The following SEC24D variants were observed in gnomAD, a reference collection of about 807,000 sequenced individuals.
SEC24D encodes SEC24 homolog D, COPII component.
SEC24D carries 69 observed loss-of-function variants against 116.9 expected under a neutral mutation model. That is an observed-to-expected ratio of 0.59 (90% confidence interval 0.49 to 0.72). The LOEUF (loss-of-function observed/expected upper bound fraction) is 0.72. Among genes scored for constraint, SEC24D ranks in the 30% least tolerant of loss-of-function variants. The pLI is 0.00. For missense variants in SEC24D, 1,131 were observed against 1,264.1 expected (o/e 0.89, Z 1.60); for synonymous variants, 405 against 442.8 (o/e 0.91, Z 1.07).
At chr4:118,810,471 G>A (rs1013918314) in intron 6 of SEC24D, among the ~76,000 whole-genome samples, 3 of 152,172 alleles carry the variant, frequency 2.0e-5, no homozygotes, top group Non-Finnish European at 4.4e-5. Context: ...GGAGCCAGAA[G>A]AATGGAATTG....
Position 118,815,607 on chromosome 4 carries a change from G to A in SEC24D, c.517C>T (p.Pro173Ser), listed in dbSNP as rs1730111205. Reference sequence around the variant, plus strand: ...GGACCATTGAGTGTGGTGGGTGGTGGTGGAAGAACTTGAGATCCAGGCTGC... The same window carrying A: ...GGACCATTGAGTGTGGTGGGTGGTGATGGAAGAACTTGAGATCCAGGCTGC... ...ILQPGSQVLP[P>S]PPTTLNGPGA... Residue 173 changes from proline (P) to serine (S), a missense_variant, in exon 5 of 23, where the codon CCA (proline) becomes TCA (serine). Coordinates refer to ENST00000280551, the MANE Select transcript of SEC24D (RefSeq NM_014822.4). The A allele has an allele frequency of 1.9e-6, 3 of 1,614,196 alleles. No individual in the cohort carries two copies. The highest frequency in any genetic ancestry group is 1.7e-6 in the Non-Finnish European group (2 of 1,180,032).
At chr4:118,724,741 A>G (rs1183086021) in intron 22 of SEC24D, among the ~76,000 whole-genome samples, 2 of 152,198 alleles carry the variant, frequency 1.3e-5, no homozygotes, top group African/African-American at 4.8e-5. Context: ...TACTTGAGGA[A>G]GTCAAGGTAG....
chr4:118,818,680 A>T (rs1730255401), intron 3 of SEC24D, among the ~76,000 whole-genome samples: 2 of 152,234 alleles, frequency 1.3e-5, no homozygotes, highest in Middle Eastern at 3.4e-3. Context: ...TCTATGTTTT[A>T]TCGGTAGCCG....
intron 8 of SEC24D, among the ~76,000 whole-genome samples, chr4:118,784,577 C>T (rs900806242): frequency 2.6e-5 from 4 of 152,132 alleles, no homozygotes; most frequent in Admixed American, 6.5e-5. Flanking sequence ...TACCTACAAA[C>T]ACTAGATTTA....
At chr4:118,780,617 C>T (rs1163919832) in intron 8 of SEC24D, among the ~76,000 whole-genome samples, 5 of 152,170 alleles carry the variant, frequency 3.3e-5, no homozygotes, top group African/African-American at 1.2e-4. Context: ...TCTATCAGGT[C>T]TGCTTGGTGC....
At chr4:118,740,207 T>A (rs1316393052) in intron 17 of SEC24D, among the ~76,000 whole-genome samples, 1 of 152,122 alleles carries the variant, frequency 6.6e-6, no homozygotes, top group Non-Finnish European at 1.5e-5. Context: ...CTGGAACAGA[T>A]CCTTCCCTCT....
intron 15 of SEC24D, among the ~76,000 whole-genome samples, chr4:118,741,431 T>G (rs1292030849): frequency 6.6e-6 from 1 of 152,206 alleles, no homozygotes; most frequent in Non-Finnish European, 1.5e-5. Context: ...TCTGACCACA[T>G]TCAGAGCTTT....
At chr4:118,755,764 T>C (rs187117254) in intron 11 of SEC24D, among the ~76,000 whole-genome samples, 50 of 152,256 alleles carry the variant, frequency 3.3e-4, no homozygotes, top group African/African-American at 1.1e-3. Flanking sequence ...GTTACACATA[T>C]GCACAGCCCA....
At chr4:118,780,388 G>A (rs914349525) in intron 8 of SEC24D, among the ~76,000 whole-genome samples, 5 of 152,124 alleles carry the variant, frequency 3.3e-5, no homozygotes, top group South Asian at 2.1e-4. Context: ...CAGGATGTTC[G>A]GTTTCCATGT....
intron 11 of SEC24D, among the ~76,000 whole-genome samples, chr4:118,754,747 GA>G (rs1311464940): frequency 5.3e-5 from 8 of 152,230 alleles, no homozygotes; most frequent in Admixed American, 3.9e-4. Flanking sequence ...TAGAAGCACT[GA>G]CACCATGGAT....
intron 7 of SEC24D, among the ~76,000 whole-genome samples, chr4:118,801,170 G>A (rs895061325): frequency 2.0e-5 from 3 of 151,872 alleles, no homozygotes; most frequent in African/African-American, 7.3e-5. Context: ...GCTGAGGCAG[G>A]AGAATGGCGT....
In SEC24D at chr4:118,824,760, G is replaced by C; in HGVS notation, c.119-11C>G. 1 of 1,571,484 alleles carries C rather than the reference G, an allele frequency of 6.4e-7. No individual in the cohort carries two copies. The highest frequency in any genetic ancestry group is 8.6e-7 in the Non-Finnish European group (1 of 1,164,524). ...CTGGCTTCATCATACCTGCAAGAGA[G>C]GGGCATGAATTTAGAAGTGTATTAA... On this transcript the variant is annotated splice_polypyrimidine_tract_variant and intron_variant, in intron 2 of 22. Transcript: ENST00000280551.
Position 118,744,968 on chromosome 4 carries a change from T to C in SEC24D, c.1800A>G (p.Lys600=). The part of the protein sequence containing the change: ...PGKLKNRDDK[K]LVNTDKEKIL... The stretch of plus-strand genomic sequence containing the variant: ...CCTTCTCTTTGTCTGTATTAACCAG[T>C]TTTTTGTCATCTCTGTTTTTGAGCT... Residue 600 remains lysine, a synonymous_variant, in exon 14 of 23, where the codon AAA becomes AAG. Transcript: ENST00000280551. 6.2e-7 allele frequency: 1 copy of C among 1,608,540 alleles called. No individual in the cohort carries two copies. Among genetic ancestry groups the C allele is most frequent in the Non-Finnish European group, 8.5e-7 (1 of 1,175,880 alleles).
chr4:118,776,273 A>T (rs1200365118), intron 8 of SEC24D, among the ~76,000 whole-genome samples: 1 of 152,148 alleles, frequency 6.6e-6, no homozygotes, highest in African/African-American at 2.4e-5. Flanking sequence ...TGATAACTAT[A>T]CTAGGAGATT....
At position 118,740,825 on chromosome 4, in the gene SEC24D, A is replaced by C; in HGVS notation, c.2093-17T>G. 1 of 1,612,856 alleles carries C rather than the reference A, an allele frequency of 6.2e-7. No homozygotes were observed. Among genetic ancestry groups the C allele is most frequent in the Non-Finnish European group, 8.5e-7 (1 of 1,179,350 alleles). On this transcript the variant is annotated splice_polypyrimidine_tract_variant and intron_variant, in intron 16 of 22. Transcript: ENST00000280551. ...CTCTGAAACCTAAAGATAAGGGAAA[A>C]AGGGAAATTTTGCTTGTCTTTATTC... is the stretch of plus-strand genomic sequence containing the variant.
At position 118,740,952 on chromosome 4, in the gene SEC24D, C is replaced by T. The variant is rs751218033; in HGVS notation, c.2081G>A (p.Arg694His). The T allele has an allele frequency of 1.3e-5, 20 of 1,599,574 alleles. No individual in the cohort carries two copies. Among genetic ancestry groups the T allele is most frequent in the Non-Finnish European group, 1.5e-5 (17 of 1,171,256 alleles). The part of the protein sequence containing the change: ...KIGFDAIMRV[R>H]TSTGFRATDF... The stretch of plus-strand genomic sequence containing the variant: ...TAAATGATAATTACCTGTGCTGGTA[C>T]GAACCCTCATAATAGCATCAAAGCC... Residue 694 changes from arginine to histidine, a missense_variant, in exon 16 of 23, where the codon CGT (arginine) becomes CAT (histidine). Transcript: ENST00000280551.
At chr4:118,812,503 C>T (rs559408855) in intron 6 of SEC24D, among the ~76,000 whole-genome samples, 2 of 151,988 alleles carry the variant, frequency 1.3e-5, no homozygotes, top group Admixed American at 6.6e-5. Flanking sequence ...AGCACATCAG[C>T]GGATAAAGAT....
chr4:118,800,390 C>A (rs927677171), intron 7 of SEC24D, among the ~76,000 whole-genome samples: 1 of 152,014 alleles, frequency 6.6e-6, no homozygotes, highest in African/African-American at 2.4e-5. Context: ...CTGAAATGAA[C>A]GGGAGGTTGG....
intron 19 of SEC24D, among the ~76,000 whole-genome samples, chr4:118,737,510 C>T (rs1406891618): frequency 6.6e-6 from 1 of 152,144 alleles, no homozygotes; most frequent in Non-Finnish European, 1.5e-5. Flanking sequence ...GATGTCCTCT[C>T]AGCACTCACT....
Sources: gnomAD v4.1 joint callset for allele counts (sites outside exome capture counted in the v4.1 genomes callset) on GRCh38, gnomAD v4.1.1 for gene constraint, MANE v1.5 for transcripts, NCBI Gene and HGNC (gene_info 2026-07-23, HGNC 2026-07-21) for gene names.